GPR107: variants seen among roughly 807,000 people sequenced by gnomAD.
The protein encoded by GPR107 is protein GPR107.
Under a neutral mutation model 75.5 loss-of-function variants are expected in GPR107, and 31 were observed. That is an observed-to-expected ratio of 0.41 (90% CI 0.31 to 0.55). The LOEUF (loss-of-function observed/expected upper bound fraction) is 0.55. GPR107 is among the 20% of genes least tolerant of loss of function. The probability of loss-of-function intolerance (pLI) is 0.26; values close to 1 mark genes in which losing one functional copy is unlikely to be tolerated. For synonymous variants in GPR107, 267 were observed against 251.3 expected (o/e 1.06, Z -0.59); for missense variants, 572 against 665.7 (o/e 0.86, Z 1.55).
chr9:130,137,156 A>G lies in GPR107; in HGVS notation c.*2035A>G, dbSNP rs1344991165. 7.2e-5 allele frequency: 11 copies of G among 152,272 alleles called. No individual in the cohort carries two copies. The highest frequency in any genetic ancestry group is 7.2e-4 in the Admixed American group (11 of 15,282). 9.4% of individuals were successfully genotyped at this position (152,272 alleles called of 1,614,324 possible). A position where few individuals can be genotyped will look rare whatever the true frequency, so the allele number is the denominator to read the frequency against. ...GGATGAGGCGATAGACTCCTTGGCA[A>G]GAACGAAAGGTGTGATGAAACCTCC... On this transcript the variant is annotated 3_prime_UTR_variant, in exon 18 of 18. Coordinates refer to ENST00000347136, the MANE Select transcript of GPR107 (RefSeq NM_020960.5).
chr9:130,104,648 G>A (rs1478020011), intron 13 of GPR107, 98 bp downstream of exon 13: 7 of 1,008,618 alleles, frequency 6.9e-6, no homozygotes, highest in African/African-American at 3.2e-5. Context: ...CACATGGGAC[G>A]TGTGTTTAAA....
At chr9:130,062,655 TGCC>T (rs1564657687) in intron 1 of GPR107, among the ~76,000 whole-genome samples, 1,114 of 61,906 alleles carry the variant, frequency 0.018, 21 homozygotes, top group African/African-American at 0.038. Context: ...CCTGCCTGCC[TGCC>T]TGCCTTCCTT....
intron 5 of GPR107, among the ~76,000 whole-genome samples, chr9:130,083,081 C>T (rs563386218): frequency 3.3e-5 from 5 of 151,956 alleles, no homozygotes; most frequent in South Asian, 4.2e-4. Context: ...CCACCATGCC[C>T]GACTAATTTT....
intron 9 of GPR107, among the ~76,000 whole-genome samples, chr9:130,095,774 A>G (rs1830852824): frequency 6.6e-6 from 1 of 152,170 alleles, no homozygotes. Flanking sequence ...TTGTTGGAGT[A>G]TAGTGTGCAT....
At chr9:130,099,782 T>C (rs1830969247) in intron 10 of GPR107, among the ~76,000 whole-genome samples, 1 of 109,868 alleles carries the variant, frequency 9.1e-6, no homozygotes, top group Non-Finnish European at 1.8e-5. Context: ...ACACTTATTA[T>C]TGTTTTTATT....
chr9:130,071,601 C>T (rs36019418), intron 1 of GPR107, among the ~76,000 whole-genome samples: 8,382 of 152,150 alleles, frequency 0.055, 295 homozygotes, highest in Middle Eastern at 0.092. Context: ...GCCCTTGGCA[C>T]ATAACCTAGT....
intron 6 of GPR107, among the ~76,000 whole-genome samples, chr9:130,085,456 C>T (rs1830591591): frequency 6.6e-6 from 1 of 152,094 alleles, no homozygotes; most frequent in Non-Finnish European, 1.5e-5. Flanking sequence ...GTATAATTGA[C>T]CTAAAATAAA....
chr9:130,103,358 G>C lies in GPR107; in HGVS notation c.1132-1062G>C, dbSNP rs1417017778. 6.6e-6 allele frequency among the ~76,000 whole-genome samples: 1 copy of C among 152,184 alleles called. No homozygotes were observed. The highest frequency in any genetic ancestry group is 2.4e-5 in the African/African-American group (1 of 41,416). On this transcript the variant is annotated intron_variant, in intron 12 of 17. Transcript: ENST00000347136. This position sits in a 1 kb window ranked among gnomAD's most constrained non-coding sequence, Gnocchi z 4.3. The stretch of plus-strand genomic sequence containing the variant: ...TGTGGAGGATTACCTTTTACAGCAA[G>C]TCAGGCAGAGATTTGGGACCAGGGA...
At chr9:130,075,575 A>G in intron 1 of GPR107, 61 bp from the exon 2 acceptor site, 2 of 878,214 alleles carry the variant, frequency 2.3e-6, no homozygotes, top group Admixed American at 1.8e-5. Context: ...GCAAATGAAT[A>G]GGTTAAATAA....
At position 130,092,283 on chromosome 9, in the gene GPR107, C is replaced by T; in HGVS notation, c.765C>T (p.Leu255=). ...CAGAGAAGAATCCTGACAGCTACCT[C>T]TCAGCAGGAGAAATTCCTCTCCCCA... ...EITEKNPDSY[L]SAGEIPLPKL... The change falls in exon 9 of 18, where the codon CTC becomes CTT. Residue 255 remains leucine (L), a synonymous_variant. Transcript: ENST00000347136. 1 of 1,608,828 alleles carries T rather than the reference C, an allele frequency of 6.2e-7. No individual in the cohort carries two copies. Among genetic ancestry groups the T allele is most frequent in the East Asian group, 2.2e-5 (1 of 44,846 alleles).
intron 13 of GPR107, among the ~76,000 whole-genome samples, chr9:130,106,394 C>T (rs371197445): frequency 2.6e-5 from 4 of 151,898 alleles, no homozygotes; most frequent in South Asian, 4.2e-4. Flanking sequence ...GTCAAGAGAT[C>T]GAGACCATCC....
Position 130,137,232 on chromosome 9 carries a change from T to G in GPR107, c.*2111T>G, listed in dbSNP as rs1761253016. ...TGTCCTCATTTCACATGCTGGGTTT[T>G]GCAAGCGAGGAAGCCAGGCAGTGGA... On this transcript the variant is annotated 3_prime_UTR_variant, in exon 18 of 18. Coordinates refer to ENST00000347136, the MANE Select transcript of GPR107 (RefSeq NM_020960.5). 6.6e-6 allele frequency: 1 copy of G among 152,304 alleles called. No homozygotes were observed. The highest frequency in any genetic ancestry group is 2.4e-5 in the African/African-American group (1 of 41,464). The allele number at this position is 152,304 out of a possible 1,614,324, so 9.4% of individuals were successfully genotyped here. A position where few individuals can be genotyped will look rare whatever the true frequency, so the allele number is the denominator to read the frequency against.
chr9:130,100,186 C>G (rs538664067), intron 10 of GPR107, among the ~76,000 whole-genome samples: 3 of 152,128 alleles, frequency 2.0e-5, no homozygotes, highest in South Asian at 2.1e-4. Context: ...TGAGCCACCA[C>G]GCCCGGCCTC....
chr9:130,097,709 GTTTT>G (rs560402864), intron 9 of GPR107, among the ~76,000 whole-genome samples: 1 of 134,360 alleles, frequency 7.4e-6, no homozygotes, highest in Non-Finnish European at 1.6e-5. Flanking sequence ...TATTCTTTGG[GTTTT>G]TTTTTTTTTT....
At chr9:130,093,925 G>T (rs1260848638) in intron 9 of GPR107, among the ~76,000 whole-genome samples, 2 of 152,116 alleles carry the variant, frequency 1.3e-5, no homozygotes, top group African/African-American at 2.4e-5. Context: ...AGCGATTCTG[G>T]TGCTTCAGCC....
intron 5 of GPR107, 64 bp from the exon 6 acceptor site, chr9:130,083,501 A>AAT (rs1027020869): frequency 1.1e-5 from 10 of 925,690 alleles, no homozygotes; most frequent in Non-Finnish European, 1.3e-5. Context: ...ATGATACTGT[A>AAT]ATATATATAT....
chr9:130,119,995 T>C (rs1012173287), intron 14 of GPR107, among the ~76,000 whole-genome samples: 8 of 152,146 alleles, frequency 5.3e-5, no homozygotes, highest in African/African-American at 1.9e-4. Context: ...AGCTGGTTTA[T>C]GTTTATTTTT....
At chr9:130,072,849 A>G (rs1830246463) in intron 1 of GPR107, among the ~76,000 whole-genome samples, 1 of 152,230 alleles carries the variant, frequency 6.6e-6, no homozygotes, top group Non-Finnish European at 1.5e-5. Context: ...TCTGCTGCAA[A>G]GCAGCTTCAT....
intron 1 of GPR107, among the ~76,000 whole-genome samples, chr9:130,058,355 A>G (rs1342286828): frequency 2.0e-5 from 3 of 152,172 alleles, no homozygotes; most frequent in Admixed American, 1.3e-4. Flanking sequence ...TTTAGAATCA[A>G]TTCCCATTCC....
Sources: gnomAD v4.1 joint callset for allele counts (sites outside exome capture counted in the v4.1 genomes callset) on GRCh38, gnomAD v4.1.1 for gene constraint, Gnocchi (gnomAD v3.1) non-coding constraint, MANE v1.5 for transcripts, NCBI Gene and HGNC (gene_info 2026-07-23, HGNC 2026-07-21) for gene names.